The following GPSM2 variants were observed in gnomAD, a reference collection of about 807,000 sequenced individuals.
The protein encoded by GPSM2 is G protein-signaling modulator 2.
A neutral mutation model predicts 78.4 loss-of-function variants in GPSM2; 58 were observed. The ratio of observed to expected loss-of-function variants is 0.74; its 90% confidence interval spans 0.60 to 0.92. The LOEUF is 0.92. Among genes scored for constraint, GPSM2 ranks in the 40% least tolerant of loss-of-function variants. The probability of loss-of-function intolerance (pLI) is 0.00; values close to 1 mark genes in which losing one functional copy is unlikely to be tolerated. For missense variants in GPSM2, 700 were observed against 815.5 expected (o/e 0.86, Z 1.73); for synonymous variants, 224 against 280.2 (o/e 0.80, Z 2.00).
At chr1:108,924,344 A>G in intron 14 of GPSM2, 130 bp downstream of exon 14, 2 of 727,946 alleles carry the variant, frequency 2.7e-6, no homozygotes, top group Non-Finnish European at 5.0e-6. Flanking sequence ...CATTCAGTAA[A>G]AAATTATTGA....
At chr1:108,903,277 C>A in intron 9 of GPSM2, 43 bp downstream of exon 9, 1 of 1,097,208 alleles carries the variant, frequency 9.1e-7, no homozygotes, top group Non-Finnish European at 1.4e-6. Context: ...TTGTAATTTA[C>A]AAATTAGAGG....
intron 7 of GPSM2, among the ~76,000 whole-genome samples, chr1:108,899,223 T>C (rs1198327249): frequency 1.3e-5 from 2 of 152,254 alleles, no homozygotes; most frequent in Non-Finnish European, 2.9e-5. Flanking sequence ...AATATTATTG[T>C]ACATAAGATT....
At chr1:108,923,866 A>G (rs1650919409) in intron 13 of GPSM2, 134 bp from the exon 14 acceptor site, 2 of 702,308 alleles carry the variant, frequency 2.8e-6, no homozygotes, top group Non-Finnish European at 5.1e-6. Flanking sequence ...TGTCAGCGCT[A>G]TAGCAGGAGG....
intron 2 of GPSM2, among the ~76,000 whole-genome samples, chr1:108,895,898 C>T (rs1342297754): frequency 5.3e-5 from 8 of 152,126 alleles, no homozygotes; most frequent in East Asian, 1.9e-4. Context: ...ATATAAGTAT[C>T]GTATCAAATT....
intron 12 of GPSM2, 141 bp from the exon 13 acceptor site, chr1:108,922,276 C>T: frequency 6.2e-6 from 4 of 642,712 alleles, no homozygotes; most frequent in South Asian, 3.7e-5. Context: ...CAATATTTGC[C>T]ATCTTGTATT....
intron 2 of GPSM2, among the ~76,000 whole-genome samples, chr1:108,895,428 C>T (rs1438704374): frequency 2.6e-5 from 4 of 151,926 alleles, no homozygotes; most frequent in Non-Finnish European, 5.9e-5. Flanking sequence ...TGTATTAGAA[C>T]GGGGTTCCCA....
Position 108,922,492 on chromosome 1 carries a change from G to T in GPSM2, c.1516G>T (p.Asp506Tyr). 3 of 1,611,324 alleles carry T rather than the reference G, an allele frequency of 1.9e-6. No individual in the cohort carries two copies. The highest frequency in any genetic ancestry group is 2.5e-6 in the Non-Finnish European group (3 of 1,177,532). ...CCGATTTCAAAGCAATAGGATGGAT[G>T]ATCAGAGATGTTGCTTACAAGAAAA... The part of the protein sequence containing the change: ...LSRFQSNRMD[D>Y]QRCCLQEKNC... The change falls in exon 13 of 15, where the codon GAT (aspartate) becomes TAT (tyrosine). Residue 506 changes from aspartate (D) to tyrosine (Y), a missense_variant. Transcript: ENST00000264126.
At chr1:108,890,016 T>C (rs998002435) in intron 2 of GPSM2, among the ~76,000 whole-genome samples, 1 of 152,200 alleles carries the variant, frequency 6.6e-6, no homozygotes, top group Admixed American at 6.5e-5. Context: ...CCACTTTCTT[T>C]GTTTAGCTAA....
At chr1:108,888,593 G>C (rs888614003) in intron 2 of GPSM2, among the ~76,000 whole-genome samples, 1 of 152,232 alleles carries the variant, frequency 6.6e-6, no homozygotes, top group African/African-American at 2.4e-5. Context: ...ACCTACCTCA[G>C]CCTCCTCAAG....
chr1:108,930,270 AT>A lies in GPSM2; in HGVS notation c.*336del. On this transcript the variant is annotated 3_prime_UTR_variant, in exon 15 of 15. Transcript: ENST00000264126. ...AGAATTTAATACTCTTATGGAAATA[AT>A]TTTTTAACATCTTAATTGACAATGG... 4.6e-6 allele frequency: 1 copy of A among 219,112 alleles called. No individual in the cohort carries two copies. The highest frequency in any genetic ancestry group is 9.0e-6 in the Non-Finnish European group (1 of 110,680). 13.6% of individuals were successfully genotyped at this position (219,112 alleles called of 1,614,324 possible).
At chr1:108,881,381 G>A (rs535941828) in intron 1 of GPSM2, among the ~76,000 whole-genome samples, 5 of 152,158 alleles carry the variant, frequency 3.3e-5, no homozygotes, top group Non-Finnish European at 5.9e-5. Flanking sequence ...CCAGTTCTTC[G>A]TCCTGTGATT....
chr1:108,888,438 C>T (rs924329034), intron 2 of GPSM2, among the ~76,000 whole-genome samples: 3 of 152,206 alleles, frequency 2.0e-5, no homozygotes, highest in African/African-American at 7.2e-5. Context: ...GCCTCAACCT[C>T]TCAGGCTCAA....
rs1208350861 is a variant in GPSM2 at position 108,897,088 on chromosome 1, A to G, written c.278+3A>G. The G allele has an allele frequency of 1.9e-6, 3 of 1,568,168 alleles. No homozygotes were observed. Among genetic ancestry groups the G allele is most frequent in the Non-Finnish European group, 1.8e-6 (2 of 1,139,456 alleles). On this transcript the variant is annotated splice_donor_region_variant and intron_variant, in intron 3 of 14. Transcript: ENST00000264126. ...CATCATGATTTAACCCTTGCAAGGT[A>G]ATTAATTTAAGCTTTTAAATATTCT...
intron 11 of GPSM2, among the ~76,000 whole-genome samples, chr1:108,915,707 G>A (rs1471847933): frequency 2.0e-5 from 3 of 152,008 alleles, no homozygotes; most frequent in Non-Finnish European, 4.4e-5. Context: ...TTACAGGCGT[G>A]AGCCACTGCT....
intron 2 of GPSM2, among the ~76,000 whole-genome samples, chr1:108,895,745 C>G (rs1475306415): frequency 6.6e-6 from 1 of 152,110 alleles, no homozygotes. Context: ...TGTATAGTAA[C>G]AAGAGGAATA....
At chr1:108,906,731 A>T (rs1031387351) in intron 10 of GPSM2, among the ~76,000 whole-genome samples, 14 of 152,134 alleles carry the variant, frequency 9.2e-5, no homozygotes, top group African/African-American at 3.4e-4. Flanking sequence ...TACAAAAATT[A>T]GCCAGGCACA....
At position 108,879,452 on chromosome 1, in the gene GPSM2, T is replaced by G. The variant is rs528738791; in HGVS notation, c.-249+2224T>G. The stretch of plus-strand genomic sequence containing the variant: ...CTTTTCTCCCCATTCCTGCCTTATA[T>G]GTTGCTGCTGGTTTATCTTCCTAGC... On this transcript the variant is annotated intron_variant, in intron 1 of 14. Coordinates refer to ENST00000264126, the MANE Select transcript of GPSM2 (RefSeq NM_013296.5). 2.0e-5 allele frequency among the ~76,000 whole-genome samples: 3 copies of G among 152,374 alleles called. No individual in the cohort carries two copies. The South Asian group carries it at 6.2e-4, about 32-fold the overall frequency.
At chr1:108,924,452 TATATAG>T (rs1034148398) in intron 14 of GPSM2, 42 of 560,162 alleles carry the variant, frequency 7.5e-5, no homozygotes, top group Non-Finnish European at 1.2e-4. Context: ...TGTGTGTATA[TATATAG>T]AGAGAGAGTA....
At chr1:108,884,474 A>G (rs906997295) in intron 1 of GPSM2, among the ~76,000 whole-genome samples, 2 of 152,226 alleles carry the variant, frequency 1.3e-5, no homozygotes, top group African/African-American at 2.4e-5. Flanking sequence ...ATGCACAACA[A>G]TTGAGAAAAA....
Sources: allele counts gnomAD v4.1 joint callset (sites outside exome capture counted in the v4.1 genomes callset), GRCh38; gene constraint gnomAD v4.1.1; transcripts MANE v1.5; gene names NCBI Gene and HGNC (gene_info 2026-07-23, HGNC 2026-07-21).